The following NCKAP1 variants were observed in gnomAD, a reference collection of about 807,000 sequenced individuals.
NCKAP1 encodes NCK associated protein 1, also known as nck-associated protein 1.
In NCKAP1, 21 loss-of-function variants were observed where a neutral mutation model predicts 151.2. The observed-to-expected ratio is 0.14, with a 90% confidence interval of 0.10 to 0.20. The LOEUF (loss-of-function observed/expected upper bound fraction) is 0.20, where lower values mean the gene tolerates loss of function less well. Ranked by LOEUF, NCKAP1 falls within the 10% of genes least tolerant of loss-of-function variation. The probability of loss-of-function intolerance (pLI) is 1.00; values close to 1 mark genes in which losing one functional copy is unlikely to be tolerated. For missense variants in NCKAP1, 933 were observed against 1,352.1 expected, an observed-to-expected ratio of 0.69 and a Z score of 4.86; for synonymous variants, 484 against 451.8, an observed-to-expected ratio of 1.07 and a Z score of -0.90.
intron 1 of NCKAP1, among the ~76,000 whole-genome samples, chr2:183,037,647 C>A (rs1699128964): frequency 6.6e-6 from 1 of 152,202 alleles, no homozygotes. Context: ...CCACCACCCT[C>A]CCTTTCCTAT....
At chr2:182,930,380 T>G (rs1216016486) in intron 27 of NCKAP1, among the ~76,000 whole-genome samples, 1 of 152,016 alleles carries the variant, frequency 6.6e-6, no homozygotes, top group East Asian at 1.9e-4. Context: ...TCTCTAAATT[T>G]CTTTTTTCGT....
rs376567781 is a variant in NCKAP1 at position 182,931,394 on chromosome 2, G to A, written c.2860-606C>T. Reference sequence around the variant, plus strand: ...TATAACTGGTTACCTCTGATATTGCGACAAAAAACCTTAGTATAAAATACG... The same window carrying A: ...TATAACTGGTTACCTCTGATATTGCAACAAAAAACCTTAGTATAAAATACG... On this transcript the variant is annotated intron_variant, in intron 26 of 30. Transcript: ENST00000361354. 5.3e-5 allele frequency among the ~76,000 whole-genome samples: 8 copies of A among 152,006 alleles called. No homozygotes were observed. The East Asian group carries it at 9.7e-4, about 18-fold the overall frequency.
intron 1 of NCKAP1, among the ~76,000 whole-genome samples, chr2:183,024,507 T>C (rs1264514584): frequency 6.6e-6 from 1 of 152,198 alleles, no homozygotes; most frequent in Non-Finnish European, 1.5e-5. Context: ...TGAATCTACA[T>C]CTGTTCTATA....
At chr2:183,008,237 A>G (rs1254088269) in intron 2 of NCKAP1, among the ~76,000 whole-genome samples, 5 of 152,158 alleles carry the variant, frequency 3.3e-5, no homozygotes, top group African/African-American at 4.8e-5. Flanking sequence ...CACAGTGAAC[A>G]TTTTAAAGCA....
At chr2:183,032,961 G>A (rs1251905042) in intron 1 of NCKAP1, among the ~76,000 whole-genome samples, 1 of 152,146 alleles carries the variant, frequency 6.6e-6, no homozygotes, top group African/African-American at 2.4e-5. Flanking sequence ...GAGGTGGGAG[G>A]ATCGCCTGAG....
chr2:182,940,168 A>C (rs1349383723), intron 24 of NCKAP1, among the ~76,000 whole-genome samples: 1 of 152,224 alleles, frequency 6.6e-6, no homozygotes, highest in Non-Finnish European at 1.5e-5. Context: ...TTAGTAGGAA[A>C]GTAAATAGGG....
At chr2:183,036,264 A>T (rs759919936) in intron 1 of NCKAP1, among the ~76,000 whole-genome samples, 7 of 152,190 alleles carry the variant, frequency 4.6e-5, no homozygotes, top group Non-Finnish European at 1.0e-4. Flanking sequence ...TGTTTAATAA[A>T]TGCTTAGAAA....
chr2:183,009,173 A>C (rs903688555), intron 2 of NCKAP1, among the ~76,000 whole-genome samples: 1 of 152,156 alleles, frequency 6.6e-6, no homozygotes, highest in African/African-American at 2.4e-5. Context: ...CAGGAGTTCA[A>C]GACCAGCCTG....
At chr2:183,025,013 TAA>T in intron 1 of NCKAP1, 4 of 1,610,418 alleles carry the variant, frequency 2.5e-6, no homozygotes, top group Non-Finnish European at 3.4e-6. Flanking sequence ...AGCATTGTAA[TAA>T]AAAGAGAGAA....
intron 20 of NCKAP1, among the ~76,000 whole-genome samples, chr2:182,955,892 T>C (rs951497639): frequency 1.2e-4 from 18 of 152,174 alleles, no homozygotes; most frequent in African/African-American, 2.4e-4. Context: ...TGAAATACAT[T>C]GATTTGCTCC....
At chr2:182,973,452 T>C (rs986838114) in intron 15 of NCKAP1, among the ~76,000 whole-genome samples, 3 of 151,994 alleles carry the variant, frequency 2.0e-5, no homozygotes, top group African/African-American at 4.8e-5. Context: ...ACTTAGGAAG[T>C]AGAAAAGAAT....
At chr2:183,019,415 C>A (rs1386077673) in intron 2 of NCKAP1, among the ~76,000 whole-genome samples, 1 of 152,034 alleles carries the variant, frequency 6.6e-6, no homozygotes, top group African/African-American at 2.4e-5. Context: ...TGAACATTTG[C>A]TTACATTGCC....
At chr2:183,020,956 T>TA (rs1176512376) in intron 2 of NCKAP1, among the ~76,000 whole-genome samples, 5 of 151,702 alleles carry the variant, frequency 3.3e-5, no homozygotes, top group South Asian at 2.1e-4. Flanking sequence ...CTTCAGCAGG[T>TA]AAAAAAAACA....
At chr2:182,964,200 T>C (rs992427877) in intron 17 of NCKAP1, among the ~76,000 whole-genome samples, 3 of 152,208 alleles carry the variant, frequency 2.0e-5, no homozygotes, top group African/African-American at 7.2e-5. Flanking sequence ...TGTGTGTGTA[T>C]GCACATGCAT....
intron 23 of NCKAP1, among the ~76,000 whole-genome samples, chr2:182,944,747 T>C (rs1005148284): frequency 5.3e-5 from 8 of 152,242 alleles, no homozygotes; most frequent in South Asian, 2.1e-4. Flanking sequence ...AAGAAAAAGA[T>C]TGAATCAAAT....
At position 182,925,812 on chromosome 2, in the gene NCKAP1, G is replaced by T; in HGVS notation, c.3277C>A (p.Gln1093Lys). 1 of 1,521,618 alleles carries T rather than the reference G, an allele frequency of 6.6e-7. No homozygotes were observed. 94.3% of individuals were successfully genotyped at this position (1,521,618 alleles called of 1,614,324 possible). The change falls in exon 31 of 31, where the codon CAA (glutamine) becomes AAA (lysine). Residue 1093 changes from glutamine (Q) to lysine (K), a missense_variant. Physicochemically the swap from Gln to Lys is moderately conservative, Grantham distance 53. Transcript: ENST00000361354. ...TCCATTGTAAGGAATGGAGATTCTTGTACAATCTGTAAAATTCAAAAAATC... is the reference window on the plus strand; with the variant it reads ...TCCATTGTAAGGAATGGAGATTCTTTTACAATCTGTAAAATTCAAAAAATC... ...SVYLLLDMIV[Q>K]ESPFLTMDLL...
At chr2:182,955,527 A>T (rs903030857) in intron 20 of NCKAP1, among the ~76,000 whole-genome samples, 2 of 152,192 alleles carry the variant, frequency 1.3e-5, no homozygotes, top group Admixed American at 1.3e-4. Context: ...TTCATATATA[A>T]CAGGAAATTC....
chr2:182,933,455 G>A (rs888601114), intron 26 of NCKAP1, among the ~76,000 whole-genome samples: 1 of 148,208 alleles, frequency 6.7e-6, no homozygotes, highest in Non-Finnish European at 1.5e-5. Flanking sequence ...GTGCAGTGGC[G>A]CAATCTCAGC....
At chr2:182,942,403 G>A (rs910251963) in intron 23 of NCKAP1, among the ~76,000 whole-genome samples, 1 of 152,008 alleles carries the variant, frequency 6.6e-6, no homozygotes, top group African/African-American at 2.4e-5. Context: ...AAGCAACAAA[G>A]GTAAGTAGTA....
Sources: allele counts gnomAD v4.1 joint callset (sites outside exome capture counted in the v4.1 genomes callset), GRCh38; gene constraint gnomAD v4.1.1; transcripts MANE v1.5; gene names NCBI Gene and HGNC (gene_info 2026-07-23, HGNC 2026-07-21).